Variants in CLEC9A observed in about 807,000 individuals in gnomAD.
CLEC9A encodes C-type lectin domain family 9 member A.
A neutral mutation model predicts 30.0 loss-of-function variants in CLEC9A; 24 were observed. That is an observed-to-expected ratio of 0.80 (90% CI 0.58 to 1.13). The LOEUF (loss-of-function observed/expected upper bound fraction) is 1.13, where lower values mean the gene tolerates loss of function less well. Ranked by LOEUF, CLEC9A falls within the 50% of genes most tolerant of loss-of-function variation. The pLI is 0.00. For missense variants in CLEC9A, 251 were observed against 280.9 expected (o/e 0.89, Z 0.76); for synonymous variants, 111 against 96.8 (o/e 1.15, Z -0.86).
At chr12:10,053,323 T>C (rs141299065) in intron 4 of CLEC9A, among the ~76,000 whole-genome samples, 11 of 152,310 alleles carry the variant, frequency 7.2e-5, no homozygotes, top group African/African-American at 2.2e-4. Context: ...TGGATTTCAA[T>C]GGGCTGAAAC....
intron 2 of CLEC9A, among the ~76,000 whole-genome samples, chr12:10,050,992 G>T (rs190780437): frequency 5.6e-4 from 85 of 152,214 alleles, no homozygotes; most frequent in South Asian, 1.0e-3. Context: ...ATCACCTGAG[G>T]TCAGGAGTTT....
chr12:10,050,196 G>A (rs962459846), intron 2 of CLEC9A, among the ~76,000 whole-genome samples: 2 of 152,156 alleles, frequency 1.3e-5, no homozygotes, highest in East Asian at 3.8e-4. Context: ...TATAGTTCAT[G>A]GTGGGTCCCC....
rs552872722 is a variant in CLEC9A, at chr12:10,034,740, G to T, written c.-318+3768G>T. 3.9e-5 allele frequency among the ~76,000 whole-genome samples: 6 copies of T among 152,306 alleles called. No individual in the cohort carries two copies. In the South Asian group the frequency reaches 1.2e-3, roughly 32 times the overall value. ...TGCCCCGCTACTCAGACCTCTAGGG[G>T]AGGGGCAGGCTGTGGGGCTCCGGCC... is the stretch of plus-strand genomic sequence containing the variant. On this transcript the variant is annotated intron_variant, in intron 1 of 8. Transcript: ENST00000355819.
intron 4 of CLEC9A, among the ~76,000 whole-genome samples, chr12:10,054,042 T>C (rs1340884600): frequency 6.6e-6 from 1 of 152,208 alleles, no homozygotes; most frequent in Non-Finnish European, 1.5e-5. Flanking sequence ...TTAAATCTAC[T>C]TAATTTGGCA....
chr12:10,045,502 A>T, intron 2 of CLEC9A: 1 of 235,996 alleles, frequency 4.2e-6, no homozygotes, highest in Non-Finnish European at 9.2e-6. Context: ...CTTTCTGAAG[A>T]TGGAAAAGGA....
intron 4 of CLEC9A, 200 bp downstream of exon 4, chr12:10,052,978 G>A: frequency 4.1e-6 from 2 of 490,684 alleles, no homozygotes; most frequent in Non-Finnish European, 3.3e-6. Flanking sequence ...TGATAAACGT[G>A]CGGAACTATT....
intron 5 of CLEC9A, 95 bp downstream of exon 5, chr12:10,054,446 C>A: frequency 2.6e-6 from 2 of 780,596 alleles, no homozygotes; most frequent in Non-Finnish European, 2.0e-6. Context: ...TATGTGAATG[C>A]ACATAAATGA....
chr12:10,037,490 A>T (rs1865753415), intron 1 of CLEC9A, among the ~76,000 whole-genome samples: 1 of 146,782 alleles, frequency 6.8e-6, no homozygotes, highest in South Asian at 2.2e-4. Context: ...GAGGCCACCG[A>T]CTATGAAGAG....
intron 5 of CLEC9A, among the ~76,000 whole-genome samples, chr12:10,058,524 A>C (rs1021791280): frequency 1.3e-4 from 20 of 152,292 alleles, no homozygotes; most frequent in Admixed American, 1.2e-3. Context: ...AACAGATCAG[A>C]ATATGTAGAT....
intron 1 of CLEC9A, among the ~76,000 whole-genome samples, chr12:10,037,401 A>T (rs1020512553): frequency 6.6e-6 from 1 of 152,110 alleles, no homozygotes; most frequent in Non-Finnish European, 1.5e-5. Context: ...ATTTTCCCAC[A>T]TACTTATTTC....
intron 5 of CLEC9A, among the ~76,000 whole-genome samples, chr12:10,056,745 T>C (rs1865947621): frequency 6.6e-6 from 1 of 152,168 alleles, no homozygotes; most frequent in South Asian, 2.1e-4. Context: ...ATGTAGTATA[T>C]ATTTAAAAAA....
chr12:10,044,093 A>G (rs574121409), intron 2 of CLEC9A, among the ~76,000 whole-genome samples: 2 of 152,142 alleles, frequency 1.3e-5, no homozygotes, highest in African/African-American at 2.4e-5. Flanking sequence ...CTATCCTTCA[A>G]GTCTCCAAGA....
At chr12:10,041,267 AAAAC>A (rs563240137) in intron 1 of CLEC9A, among the ~76,000 whole-genome samples, 195 bp from the exon 2 acceptor site, 4 of 152,044 alleles carry the variant, frequency 2.6e-5, no homozygotes, top group African/African-American at 4.8e-5. Flanking sequence ...ACAAAAACAA[AAAAC>A]AAACAAACAA....
intron 5 of CLEC9A, 71 bp downstream of exon 5, chr12:10,054,422 G>T: frequency 1.0e-6 from 1 of 992,180 alleles, no homozygotes; most frequent in South Asian, 1.6e-5. Context: ...ATAAATGGAT[G>T]GAAAATCAAT....
intron 1 of CLEC9A, among the ~76,000 whole-genome samples, chr12:10,038,822 T>G (rs557968283): frequency 6.6e-6 from 1 of 152,318 alleles, no homozygotes; most frequent in Admixed American, 6.5e-5. Context: ...AAAGTAGTTA[T>G]AGGATGGGTG....
chr12:10,053,608 A>C (rs1443072571), intron 4 of CLEC9A, among the ~76,000 whole-genome samples: 1 of 152,126 alleles, frequency 6.6e-6, no homozygotes, highest in African/African-American at 2.4e-5. Flanking sequence ...TTTTCCACAT[A>C]AGGTAACTCA....
At chr12:10,049,223 A>G (rs1000678144) in intron 2 of CLEC9A, among the ~76,000 whole-genome samples, 1 of 152,190 alleles carries the variant, frequency 6.6e-6, no homozygotes, top group Non-Finnish European at 1.5e-5. Flanking sequence ...CTATAAACAA[A>G]TGTGCTGTCA....
At chr12:10,052,603 T>C (rs1865903208) in intron 3 of CLEC9A, 27 bp from the exon 4 acceptor site, 1 of 1,555,294 alleles carries the variant, frequency 6.4e-7, no homozygotes, top group African/African-American at 1.4e-5. Flanking sequence ...ATTTCAGTTC[T>C]TACACCAACC....
intron 1 of CLEC9A, among the ~76,000 whole-genome samples, chr12:10,038,950 G>A (rs968932265): frequency 6.6e-6 from 1 of 152,234 alleles, no homozygotes; most frequent in East Asian, 1.9e-4. Flanking sequence ...GTATGGGGGT[G>A]GGCCATGCCT....
Sources: gnomAD v4.1 joint callset for allele counts (sites outside exome capture counted in the v4.1 genomes callset) on GRCh38, gnomAD v4.1.1 for gene constraint, MANE v1.5 for transcripts, NCBI Gene and HGNC (gene_info 2026-07-23, HGNC 2026-07-21) for gene names.